MACROD2: variants seen among roughly 807,000 people sequenced by gnomAD.
The protein encoded by MACROD2 is ADP-ribose glycohydrolase MACROD2.
In MACROD2, 36 loss-of-function variants were observed where a neutral mutation model predicts 70.4. The observed-to-expected ratio is 0.51, with a 90% CI of 0.39 to 0.68. MACROD2 has a LOEUF of 0.68. MACROD2 is among the 30% of genes least tolerant of loss of function. The pLI is 0.00. For synonymous variants in MACROD2, 172 were observed against 178.8 expected (o/e 0.96, Z 0.30); for missense variants, 496 against 538.4 (o/e 0.92, Z 0.78).
At chr20:14,865,035 C>T (rs1451989893) in intron 5 of MACROD2, among the ~76,000 whole-genome samples, 1 of 152,006 alleles carries the variant, frequency 6.6e-6, no homozygotes, top group Non-Finnish European at 1.5e-5. Flanking sequence ...CAGTGCTGGT[C>T]CTGGGCCTGT....
At chr20:15,538,469 A>T (rs540371461) in intron 8 of MACROD2, among the ~76,000 whole-genome samples, 43 of 152,234 alleles carry the variant, frequency 2.8e-4, no homozygotes, top group Non-Finnish European at 4.7e-4. Flanking sequence ...GTAGCAAGTC[A>T]GAACAAAAGG....
intron 15 of MACROD2, among the ~76,000 whole-genome samples, chr20:15,998,564 CTTT>C (rs34750465): frequency 2.8e-3 from 331 of 117,528 alleles, no homozygotes; most frequent in Non-Finnish European, 4.4e-3. Flanking sequence ...TGAGTTCTCT[CTTT>C]TTTTTTTTTT....
chr20:15,574,894 A>G (rs11696253), intron 8 of MACROD2, among the ~76,000 whole-genome samples: 3,149 of 152,326 alleles, frequency 0.021, 50 homozygotes, highest in Non-Finnish European at 0.033. Flanking sequence ...CATGTATGAA[A>G]TTAGACTCAG....
chr20:16,042,306 TA>T (rs1445636109), intron 16 of MACROD2, among the ~76,000 whole-genome samples: 3 of 152,040 alleles, frequency 2.0e-5, no homozygotes, highest in Non-Finnish European at 4.4e-5. Context: ...CACTGCTTGT[TA>T]GTTATGAGCA....
intron 4 of MACROD2, among the ~76,000 whole-genome samples, chr20:14,597,197 A>T (rs1164332916): frequency 6.6e-6 from 1 of 152,160 alleles, no homozygotes; most frequent in East Asian, 1.9e-4. Context: ...GTAAGTGATG[A>T]ATTCTTGATG....
intron 2 of MACROD2, among the ~76,000 whole-genome samples, chr20:14,072,795 G>A (rs112896177): frequency 2.0e-4 from 30 of 152,034 alleles, no homozygotes; most frequent in African/African-American, 7.2e-4. Flanking sequence ...TTAGCTGGGC[G>A]TGGTGGCGGA....
intron 13 of MACROD2, chr20:15,985,877 A>T (rs533874298): frequency 6.6e-6 from 1 of 152,340 alleles, no homozygotes; most frequent in South Asian, 2.1e-4. Flanking sequence ...CGAGCTCCCC[A>T]AATGCACAAT....
chr20:14,574,997 G>A (rs1447118921), intron 4 of MACROD2, among the ~76,000 whole-genome samples: 2 of 116,990 alleles, frequency 1.7e-5, no homozygotes, highest in East Asian at 4.6e-4. Context: ...CGGCCTGGGC[G>A]ACAGAGCGAG....
chr20:15,404,048 C>A (rs1005506964), intron 6 of MACROD2, among the ~76,000 whole-genome samples: 12 of 152,084 alleles, frequency 7.9e-5, no homozygotes, highest in African/African-American at 2.9e-4. Context: ...GTGGACATAG[C>A]CATTTTGAAA....
intron 1 of MACROD2, among the ~76,000 whole-genome samples, chr20:14,000,464 T>C (rs994319281): frequency 6.6e-6 from 1 of 152,232 alleles, no homozygotes; most frequent in Non-Finnish European, 1.5e-5. Context: ...TGGTTATTTT[T>C]TGAAGGTTAG....
chr20:14,448,028 CTG>C (rs1491250566), intron 3 of MACROD2, among the ~76,000 whole-genome samples: 2 of 142,014 alleles, frequency 1.4e-5, no homozygotes, highest in Non-Finnish European at 3.1e-5. Flanking sequence ...ATGTGTGTAT[CTG>C]AGAGAGAGAG....
chr20:14,318,465 A>G (rs1338726996), intron 3 of MACROD2, among the ~76,000 whole-genome samples: 1 of 152,158 alleles, frequency 6.6e-6, no homozygotes, highest in African/African-American at 2.4e-5. Flanking sequence ...AGGGGTTCAT[A>G]ATGTGATTTG....
chr20:14,179,150 C>A (rs2081287557), intron 3 of MACROD2, among the ~76,000 whole-genome samples: 2 of 152,102 alleles, frequency 1.3e-5, no homozygotes, highest in Admixed American at 1.3e-4. Context: ...CATGATGTAG[C>A]CTGACTGTAG....
chr20:14,127,043 T>C (rs2148696354), intron 3 of MACROD2, among the ~76,000 whole-genome samples: 1 of 152,250 alleles, frequency 6.6e-6, no homozygotes, highest in East Asian at 1.9e-4. Context: ...GAGGAAGACA[T>C]GTCAAAAGGC....
intron 3 of MACROD2, among the ~76,000 whole-genome samples, chr20:14,465,608 G>A: frequency 6.6e-6 from 1 of 152,058 alleles, no homozygotes; most frequent in East Asian, 1.9e-4. Context: ...ATTGTTAGTT[G>A]ATGCAGTTTC....
intron 5 of MACROD2, among the ~76,000 whole-genome samples, chr20:14,775,248 G>A (rs971002614): frequency 1.3e-5 from 2 of 152,150 alleles, no homozygotes; most frequent in East Asian, 3.9e-4. Context: ...AACGCGGTGG[G>A]CTTAGCAAGT....
intron 4 of MACROD2, among the ~76,000 whole-genome samples, chr20:14,584,181 T>A (rs1359290239): frequency 6.6e-6 from 1 of 152,228 alleles, no homozygotes; most frequent in Non-Finnish European, 1.5e-5. Context: ...CACAAGCACC[T>A]CATTTACCCA....
intron 8 of MACROD2, among the ~76,000 whole-genome samples, chr20:15,780,282 G>A (rs1371786729): frequency 6.6e-6 from 1 of 152,052 alleles, no homozygotes; most frequent in Non-Finnish European, 1.5e-5. Flanking sequence ...GAACAGCCTT[G>A]CCACATGAGA....
chr20:15,646,073 G>A (rs1052944174), intron 8 of MACROD2, among the ~76,000 whole-genome samples: 3 of 151,890 alleles, frequency 2.0e-5, no homozygotes, highest in East Asian at 1.9e-4. Context: ...TCTTTTTCTC[G>A]GGGTTTCTTT....
Sources: allele counts gnomAD v4.1 joint callset (sites outside exome capture counted in the v4.1 genomes callset), GRCh38; gene constraint gnomAD v4.1.1; transcripts MANE v1.5; gene names NCBI Gene and HGNC (gene_info 2026-07-23, HGNC 2026-07-21).